DMXL2: variants seen among roughly 807,000 people sequenced by gnomAD.
The protein encoded by DMXL2 is dmX-like protein 2.
DMXL2 carries 103 observed loss-of-function variants against 331.1 expected under a neutral mutation model. That is an observed-to-expected ratio of 0.31 (90% CI 0.27 to 0.37). The LOEUF is 0.37. Among genes scored for constraint, DMXL2 ranks in the 10% least tolerant of loss-of-function variants. The pLI is 1.00. For missense variants in DMXL2, 3,171 were observed against 3,642.9 expected, an observed-to-expected ratio of 0.87 and a Z score of 3.33; for synonymous variants, 1,281 against 1,252.1, an observed-to-expected ratio of 1.02 and a Z score of -0.49.
intron 2 of DMXL2, among the ~76,000 whole-genome samples, chr15:51,569,526 C>T (rs1042002527): frequency 6.6e-6 from 1 of 152,172 alleles, no homozygotes; most frequent in Non-Finnish European, 1.5e-5. Flanking sequence ...CCCCGTGTAC[C>T]CAGACTGGAG....
intron 1 of DMXL2, among the ~76,000 whole-genome samples, chr15:51,620,697 G>A (rs1381529141): frequency 1.3e-5 from 2 of 152,160 alleles, no homozygotes; most frequent in African/African-American, 2.4e-5. Context: ...ATAAGGTGGT[G>A]GTTAAGGATA....
Position 51,537,398 on chromosome 15 carries a change from G to A in DMXL2, c.1617+90C>T, listed in dbSNP as rs995162981. ...ATGCTTATCAAAACCAAAATTTTCA[G>A]TAATTCTAAAAACATGCTAACTCTA... On this transcript the variant is annotated intron_variant, in intron 11 of 43. Coordinates refer to ENST00000560891, the MANE Select transcript of DMXL2 (RefSeq NM_001378457.1). 13 of 1,374,272 alleles carry A rather than the reference G, an allele frequency of 9.5e-6. No individual in the cohort carries two copies. The East Asian group carries it at 2.0e-4, about 21-fold the overall frequency. The allele number at this position is 1,374,272 out of a possible 1,614,324, so 85.1% of individuals were successfully genotyped here. A position where few individuals can be genotyped will look rare whatever the true frequency, so the allele number is the denominator to read the frequency against.
chr15:51,546,527 C>T (rs1319377637), intron 7 of DMXL2, among the ~76,000 whole-genome samples: 1 of 152,040 alleles, frequency 6.6e-6, no homozygotes, highest in East Asian at 1.9e-4. Flanking sequence ...TAAAATAACC[C>T]TCCCTCAAGA....
Position 51,471,389 on chromosome 15 carries a change from A to T in DMXL2, c.7226T>A (p.Leu2409His), listed in dbSNP as rs769814421. 1 of 1,597,306 alleles carries T rather than the reference A, an allele frequency of 6.3e-7. No individual in the cohort carries two copies. Among genetic ancestry groups the T allele is most frequent in the Non-Finnish European group, 8.5e-7 (1 of 1,172,048 alleles). Residue 2409 changes from leucine (L) to histidine (H), a missense_variant, in exon 29 of 44, where the codon CTT becomes CAT. Leu to His is a moderately conservative substitution (Grantham distance 99, BLOSUM62 -3). Transcript: ENST00000560891. ...QSENISAPPV[L>H]SEDIDKHRRR... is the part of the protein sequence containing the mutation. ...ACGGTGTTTATCTATGTCTTCAGAA[A>T]GGACAGGAGGTGCTAAATGAAGATA...
intron 1 of DMXL2, among the ~76,000 whole-genome samples, chr15:51,602,079 G>A (rs1016511596): frequency 6.6e-6 from 1 of 152,152 alleles, no homozygotes; most frequent in African/African-American, 2.4e-5. Flanking sequence ...AGAAAGCACA[G>A]AACAGCTATT....
intron 1 of DMXL2, among the ~76,000 whole-genome samples, chr15:51,613,034 C>T (rs1343432156): frequency 2.0e-5 from 3 of 152,230 alleles, no homozygotes; most frequent in African/African-American, 7.2e-5. Flanking sequence ...ACCCAGCCCA[C>T]AGGCAGCCAG....
At chr15:51,612,752 G>A (rs2054058569) in intron 1 of DMXL2, among the ~76,000 whole-genome samples, 1 of 152,140 alleles carries the variant, frequency 6.6e-6, no homozygotes, top group Non-Finnish European at 1.5e-5. Flanking sequence ...ATCTTATCAG[G>A]AGACAGGGTT....
In DMXL2 at chr15:51,458,445, A is replaced by T. The variant is rs1307574744; in HGVS notation, c.8198+61T>A. 5 of 1,549,786 alleles carry T rather than the reference A, an allele frequency of 3.2e-6. No individual in the cohort carries two copies. The Admixed American group carries it at 5.4e-5, about 17-fold the overall frequency. On this transcript the variant is annotated intron_variant, in intron 36 of 43. Coordinates refer to ENST00000560891, the MANE Select transcript of DMXL2 (RefSeq NM_001378457.1). ...TTTTGAAATAATTCAAATCATGTGCATAACCATTTGGTGGGTACTTCTTAC... is the reference window on the plus strand; with the variant it reads ...TTTTGAAATAATTCAAATCATGTGCTTAACCATTTGGTGGGTACTTCTTAC...
chr15:51,483,385 A>C (rs909929113), intron 23 of DMXL2, among the ~76,000 whole-genome samples: 1 of 152,244 alleles, frequency 6.6e-6, no homozygotes, highest in East Asian at 1.9e-4. Context: ...TGAATGCTAC[A>C]ATCCCAGCTA....
rs764320465 is a variant in DMXL2, at chr15:51,499,350, C to G, written c.3874G>C (p.Glu1292Gln). ...GTCGAATGATCTTGCATTGCTGCCT[C>G]TTCTGCATTAGAACTATCAGCTTCA... is the stretch of plus-strand genomic sequence containing the variant. ...DTEADSSNAEEAAMQDHSTFK... is the reference protein window; with the variant it reads ...DTEADSSNAEQAAMQDHSTFK... The change falls in exon 18 of 44, where the codon GAG (glutamate) becomes CAG (glutamine). Residue 1292 changes from glutamate (E) to glutamine (Q), a missense_variant. Coordinates refer to ENST00000560891, the MANE Select transcript of DMXL2 (RefSeq NM_001378457.1). 2.5e-6 allele frequency: 4 copies of G among 1,613,818 alleles called. No individual in the cohort carries two copies. Among genetic ancestry groups the G allele is most frequent in the Non-Finnish European group, 3.4e-6 (4 of 1,179,998 alleles).
intron 16 of DMXL2, among the ~76,000 whole-genome samples, chr15:51,505,003 G>A (rs2043955348): frequency 6.6e-6 from 1 of 152,146 alleles, no homozygotes; most frequent in African/African-American, 2.4e-5. Context: ...AATGGGACTT[G>A]GTCAAGTTAC....
intron 22 of DMXL2, 21 bp from the exon 23 acceptor site, chr15:51,486,358 A>G: frequency 6.8e-7 from 1 of 1,466,664 alleles, no homozygotes; most frequent in Non-Finnish European, 9.4e-7. Flanking sequence ...AAATATTAAT[A>G]CTTATCTTAC....
At chr15:51,536,077 C>A in intron 12 of DMXL2, 89 bp downstream of exon 12, 1 of 1,199,808 alleles carries the variant, frequency 8.3e-7, no homozygotes, top group Non-Finnish European at 1.1e-6. Context: ...TATTAAAAAT[C>A]TTAATGACAA....
At chr15:51,487,232 A>G (rs1050081326) in intron 22 of DMXL2, among the ~76,000 whole-genome samples, 4 of 152,284 alleles carry the variant, frequency 2.6e-5, no homozygotes, top group South Asian at 2.1e-4. Flanking sequence ...AAACTATTAT[A>G]AAACAGTACA....
intron 19 of DMXL2, among the ~76,000 whole-genome samples, chr15:51,494,169 G>A (rs2042999048): frequency 6.6e-6 from 1 of 152,088 alleles, no homozygotes; most frequent in Admixed American, 6.6e-5. Context: ...AAATACCTCA[G>A]CAAAATCTAT....
intron 1 of DMXL2, among the ~76,000 whole-genome samples, chr15:51,597,934 T>C (rs1053783534): frequency 6.6e-6 from 1 of 152,220 alleles, no homozygotes; most frequent in Non-Finnish European, 1.5e-5. Context: ...ATTTAGATTT[T>C]CTCTTGTGAC....
chr15:51,463,373 A>T lies in DMXL2; in HGVS notation c.7926+6T>A. 6.8e-7 allele frequency: 1 copy of T among 1,462,150 alleles called. No homozygotes were observed. Among genetic ancestry groups the T allele is most frequent in the Non-Finnish European group, 9.4e-7 (1 of 1,058,590 alleles). The allele number at this position is 1,462,150 out of a possible 1,614,324, so 90.6% of individuals were successfully genotyped here. A position where few individuals can be genotyped will look rare whatever the true frequency, so the allele number is the denominator to read the frequency against. ...ATTACAATAGAAAATATTTTTCTCA[A>T]AATACCTCACTCTGCTTTCTTTTCT... On this transcript the variant is annotated splice_donor_region_variant and intron_variant, in intron 33 of 43. Transcript: ENST00000560891.
chr15:51,475,018 G>A (rs56027879), intron 27 of DMXL2, among the ~76,000 whole-genome samples: 4 of 151,590 alleles, frequency 2.6e-5, no homozygotes, highest in Non-Finnish European at 2.9e-5. Flanking sequence ...TAATTACAAA[G>A]GAAAAAAAAA....
At chr15:51,450,658 A>C (rs2039051605) in intron 42 of DMXL2, 1 of 355,578 alleles carries the variant, frequency 2.8e-6, no homozygotes, top group African/African-American at 2.1e-5. Flanking sequence ...AACCTTCTCA[A>C]AGTTGGTGAG....
Sources: gnomAD v4.1 joint callset for allele counts (sites outside exome capture counted in the v4.1 genomes callset) on GRCh38, gnomAD v4.1.1 for gene constraint, MANE v1.5 for transcripts, NCBI Gene and HGNC (gene_info 2026-07-23, HGNC 2026-07-21) for gene names.